The following MLX variants were observed in gnomAD, a reference collection of about 807,000 sequenced individuals.
MLX encodes MAX dimerization protein MLX.
A neutral mutation model predicts 33.0 loss-of-function variants in MLX; 15 were observed. That is an observed-to-expected ratio of 0.45 (90% CI 0.30 to 0.70). MLX has a LOEUF of 0.70. Ranked by LOEUF, MLX falls within the 30% of genes least tolerant of loss-of-function variation. The pLI, the probability that MLX is intolerant of heterozygous loss-of-function variation, is 0.07. For synonymous variants in MLX, 115 were observed against 115.6 expected (o/e 0.99, Z 0.03); for missense variants, 285 against 306.3 (o/e 0.93, Z 0.52).
At position 42,572,139 on chromosome 17, in the gene MLX, C is replaced by G. The variant is rs201006658; in HGVS notation, c.*536C>G. On this transcript the variant is annotated 3_prime_UTR_variant, in exon 8 of 8. Transcript: ENST00000435881. ...TGTGCCTAGACTAGGGCTGCCTGGT[C>G]AGTCCCAGGTGAGGCCAAGGGCTTT... 3.3e-6 allele frequency: 1 copy of G among 305,660 alleles called. No individual in the cohort carries two copies. Among genetic ancestry groups the G allele is most frequent in the East Asian group, 8.8e-5 (1 of 11,314 alleles). The allele number at this position is 305,660 out of a possible 1,614,324, so 18.9% of individuals were successfully genotyped here. A position where few individuals can be genotyped will look rare whatever the true frequency, so the allele number is the denominator to read the frequency against.
chr17:42,569,930 T>C, intron 6 of MLX, 52 bp from the exon 7 acceptor site: 1 of 1,541,550 alleles, frequency 6.5e-7, no homozygotes, highest in Non-Finnish European at 9.0e-7. Flanking sequence ...GTCATTCTTC[T>C]TGGGTGGGCG....
Position 42,568,849 on chromosome 17 carries a change from G to A in MLX, c.182G>A (p.Ser61Asn), listed in dbSNP as rs2093019771. The A allele has an allele frequency of 1.2e-6, 2 of 1,609,058 alleles. No individual in the cohort carries two copies. Among genetic ancestry groups the A allele is most frequent in the Non-Finnish European group, 1.7e-6 (2 of 1,177,406 alleles). Residue 61 changes from serine to asparagine, a missense_variant, in exon 4 of 8, where the codon AGT becomes AAT. Coordinates refer to ENST00000435881, the MANE Select transcript of MLX (RefSeq NM_198204.2). The part of the protein sequence containing the change: ...SSVPNTDDED[S>N]DYHQEAYKES... ...TCTCTGAGCGTAGATGATGAGGACA[G>A]TGATTACCACCAGGAGGCCTACAAG...
Position 42,572,263 on chromosome 17 carries a change from C to T in MLX, c.*660C>T. ...GGTGGTAAGGGAAGCCCTCCCGGTT[C>T]CCACAGGCTATGATGCTGCATGGCA... On this transcript the variant is annotated 3_prime_UTR_variant, in exon 8 of 8. Coordinates refer to ENST00000435881, the MANE Select transcript of MLX (RefSeq NM_198204.2). 2.4e-6 allele frequency: 1 copy of T among 409,816 alleles called. No homozygotes were observed. 25.4% of individuals were successfully genotyped at this position (409,816 alleles called of 1,614,324 possible).
At chr17:42,570,974 T>C (rs1399676838) in intron 7 of MLX, among the ~76,000 whole-genome samples, 3 of 152,050 alleles carry the variant, frequency 2.0e-5, no homozygotes, top group Non-Finnish European at 4.4e-5. Flanking sequence ...AACATTTTTA[T>C]TGTGAAACAC....
At chr17:42,571,286 T>C (rs2093031078) in intron 7 of MLX, among the ~76,000 whole-genome samples, 1 of 152,050 alleles carries the variant, frequency 6.6e-6, no homozygotes, top group Non-Finnish European at 1.5e-5. Context: ...TACAGGCATG[T>C]GCCACCACAC....
intron 6 of MLX, 118 bp downstream of exon 6, chr17:42,569,724 G>A (rs1297201705): frequency 1.2e-6 from 1 of 843,814 alleles, no homozygotes; most frequent in Non-Finnish European, 2.0e-6. Context: ...TAGTTCCTGA[G>A]CTAGCCAGTA....
chr17:42,569,027 TC>T, intron 4 of MLX, 84 bp downstream of exon 4: 1 of 1,417,688 alleles, frequency 7.1e-7, no homozygotes, highest in Non-Finnish European at 9.8e-7. Flanking sequence ...ACTCAGACAG[TC>T]CCAGGCACCC....
intron 1 of MLX, 169 bp from the exon 2 acceptor site, chr17:42,567,450 G>A: frequency 7.2e-7 from 1 of 1,394,566 alleles, no homozygotes; most frequent in Non-Finnish European, 9.6e-7. Flanking sequence ...GCCAGTCTCG[G>A]GGGACTCATT....
At chr17:42,567,494 A>G (rs2143244335) in intron 1 of MLX, 125 bp from the exon 2 acceptor site, 2 of 1,522,916 alleles carry the variant, frequency 1.3e-6, no homozygotes, top group Non-Finnish European at 1.8e-6. Context: ...GTGTGTGTGC[A>G]AGCGCGCAGG....
chr17:42,571,576 G>A lies in MLX; in HGVS notation c.708G>A (p.Leu236=), dbSNP rs1158183106. Residue 236 remains leucine, a synonymous_variant, in exon 8 of 8, where the codon CTG becomes CTA. Coordinates refer to ENST00000435881, the MANE Select transcript of MLX (RefSeq NM_198204.2). Reference sequence around the variant, plus strand: ...TGCGGGAGATTGTGATTGGCGTCCTGCACCAATTGAAAAACCAGCTTTACT... The same window carrying A: ...TGCGGGAGATTGTGATTGGCGTCCTACACCAATTGAAAAACCAGCTTTACT... ...QTLREIVIGV[L]HQLKNQLY 1.9e-6 allele frequency: 3 copies of A among 1,614,124 alleles called. No homozygotes were observed. Among genetic ancestry groups the A allele is most frequent in the Non-Finnish European group, 2.5e-6 (3 of 1,180,008 alleles).
intron 7 of MLX, among the ~76,000 whole-genome samples, chr17:42,570,868 G>A (rs1034857329): frequency 1.3e-5 from 2 of 152,056 alleles, no homozygotes; most frequent in Non-Finnish European, 2.9e-5. Context: ...TGTTAGCCAG[G>A]ATGGTCTCGA....
chr17:42,567,875 C>T (rs1320030768), intron 2 of MLX: 4 of 605,300 alleles, frequency 6.6e-6, no homozygotes, highest in South Asian at 2.0e-5. Flanking sequence ...TGATCACTCA[C>T]CACTCAGTGG....
In MLX at chr17:42,568,428, TC is replaced by T. The variant is rs566014899; in HGVS notation, c.80-38del. 7.8e-5 allele frequency: 114 copies of T among 1,454,666 alleles called. No individual in the cohort carries two copies. In the African/African-American group the frequency reaches 1.5e-3, roughly 19 times the overall value. The allele number at this position is 1,454,666 out of a possible 1,614,324, so 90.1% of individuals were successfully genotyped here. A position where few individuals can be genotyped will look rare whatever the true frequency, so the allele number is the denominator to read the frequency against. On this transcript the variant is annotated intron_variant, in intron 2 of 7. Transcript: ENST00000435881. ...CAGGTGTCTGAGGGTCTGGCAATGT[TC>T]CCCACCCCACCCCTTAGTGATTGGG...
At chr17:42,568,976 G>T (rs1487761395) in intron 4 of MLX, 33 bp downstream of exon 4, 2 of 1,575,810 alleles carry the variant, frequency 1.3e-6, no homozygotes, top group Non-Finnish European at 1.7e-6. Flanking sequence ...CAGCCAGTGC[G>T]GGAGGGCCCT....
rs2093043878 is a variant in MLX, at chr17:42,572,931, C to T, written c.*1328C>T. 2 of 1,608,862 alleles carry T rather than the reference C, an allele frequency of 1.2e-6. No homozygotes were observed. The highest frequency in any genetic ancestry group is 1.7e-6 in the Non-Finnish European group (2 of 1,175,732). On this transcript the variant is annotated 3_prime_UTR_variant, in exon 8 of 8. Transcript: ENST00000435881. ...AGTGCAAGACATCTCACTCTTCTGA[C>T]ATCCTGCAGTCCCCACCAGTCCTGA... is the stretch of plus-strand genomic sequence containing the variant.
intron 3 of MLX, 111 bp downstream of exon 3, chr17:42,568,670 G>C: frequency 8.6e-7 from 1 of 1,163,224 alleles, no homozygotes; most frequent in East Asian, 2.3e-5. Context: ...TGGAGCCAAA[G>C]TATCAGACAC....
At chr17:42,568,697 T>G in intron 3 of MLX, 138 bp downstream of exon 3, 1 of 1,068,098 alleles carries the variant, frequency 9.4e-7, no homozygotes, top group Non-Finnish European at 1.4e-6. Flanking sequence ...TCACCATCTT[T>G]CACCTCATCT....
intron 4 of MLX, 69 bp from the exon 5 acceptor site, chr17:42,569,135 A>G: frequency 1.4e-6 from 2 of 1,463,436 alleles, no homozygotes; most frequent in South Asian, 1.1e-5. Flanking sequence ...GGTGTCATGG[A>G]GGAACTTTGT....
chr17:42,568,331 C>G (rs1318494600), intron 2 of MLX, 139 bp from the exon 3 acceptor site: 1 of 535,138 alleles, frequency 1.9e-6, no homozygotes, highest in Non-Finnish European at 3.3e-6. Flanking sequence ...CCACTGCACT[C>G]TAGCCTGGGC....
Sources: allele counts gnomAD v4.1 joint callset (sites outside exome capture counted in the v4.1 genomes callset), GRCh38; gene constraint gnomAD v4.1.1; transcripts MANE v1.5; gene names NCBI Gene and HGNC (gene_info 2026-07-23, HGNC 2026-07-21).